COL23A1: variants seen among roughly 807,000 people sequenced by gnomAD.
The protein encoded by COL23A1 is collagen type XXIII alpha 1 chain, also known as collagen alpha-1(XXIII) chain.
In COL23A1, 97 loss-of-function variants were observed where a neutral mutation model predicts 99.3. The ratio of observed to expected loss-of-function variants is 0.98; its 90% confidence interval spans 0.83 to 1.16. The LOEUF (loss-of-function observed/expected upper bound fraction) is 1.16, where lower values mean the gene tolerates loss of function less well. COL23A1 is among the 50% of genes most tolerant of loss of function. The probability of loss-of-function intolerance (pLI) is 0.00; values close to 1 mark genes in which losing one functional copy is unlikely to be tolerated. For synonymous variants in COL23A1, 320 were observed against 308.2 expected, an observed-to-expected ratio of 1.04 and a Z score of -0.40; for missense variants, 762 against 757.4, an observed-to-expected ratio of 1.01 and a Z score of -0.07.
chr5:178,494,671 A>G (rs1025126800), intron 2 of COL23A1, among the ~76,000 whole-genome samples: 2 of 152,116 alleles, frequency 1.3e-5, no homozygotes, highest in African/African-American at 2.4e-5. Flanking sequence ...ATCTCAAACA[A>G]AAGAGTGCTG....
intron 2 of COL23A1, among the ~76,000 whole-genome samples, chr5:178,535,793 A>C (rs1760906040): frequency 6.6e-6 from 1 of 152,246 alleles, no homozygotes; most frequent in Non-Finnish European, 1.5e-5. Flanking sequence ...CAGAGTCCCC[A>C]GCCCCATCGT....
At chr5:178,529,302 T>C (rs1023208090) in intron 2 of COL23A1, among the ~76,000 whole-genome samples, 1 of 151,000 alleles carries the variant, frequency 6.6e-6, no homozygotes, top group Middle Eastern at 3.2e-3. Context: ...AGTGTCCAGT[T>C]GGCCCAGACA....
At chr5:178,290,738 G>T (rs1484059956) in intron 3 of COL23A1, among the ~76,000 whole-genome samples, 4 of 152,230 alleles carry the variant, frequency 2.6e-5, no homozygotes, top group Non-Finnish European at 5.9e-5. Flanking sequence ...ATTGAGGGCA[G>T]ACTGGGGGAG....
intron 2 of COL23A1, among the ~76,000 whole-genome samples, chr5:178,320,641 G>A (rs1056434074): frequency 2.0e-5 from 3 of 152,196 alleles, no homozygotes; most frequent in Admixed American, 6.5e-5. Context: ...TACAAGGCCC[G>A]CCCAGTTCCC....
chr5:178,323,398 G>C (rs1759456682), intron 2 of COL23A1, among the ~76,000 whole-genome samples: 1 of 152,162 alleles, frequency 6.6e-6, no homozygotes, highest in Non-Finnish European at 1.5e-5. Flanking sequence ...CCTGGGGACT[G>C]CATGGGGCTG....
At chr5:178,449,698 T>C (rs761606436) in intron 2 of COL23A1, among the ~76,000 whole-genome samples, 13 of 151,678 alleles carry the variant, frequency 8.6e-5, no homozygotes, top group Non-Finnish European at 5.9e-5. Flanking sequence ...CTATTTTTCC[T>C]AATTAGAGAA....
intron 2 of COL23A1, among the ~76,000 whole-genome samples, chr5:178,331,381 T>C (rs942721240): frequency 5.3e-5 from 8 of 152,250 alleles, no homozygotes; most frequent in Non-Finnish European, 8.8e-5. Flanking sequence ...AGTCACCTGC[T>C]GCATGGCCCT....
Position 178,307,183 on chromosome 5 carries a change from GCTCA to G in COL23A1, c.362-268_362-265del, listed in dbSNP as rs1758405633. 6.6e-6 allele frequency among the ~76,000 whole-genome samples: 1 copy of G among 152,150 alleles called. No homozygotes were observed. The highest frequency in any genetic ancestry group is 2.4e-5 in the African/African-American group (1 of 41,422). ...CACCCATTCTGTCATTCAATCATCGGCTCACTCAGTCATTCCTAAGCCCTCCCCT... is the reference window on the plus strand; with the variant it reads ...CACCCATTCTGTCATTCAATCATCGGCTCAGTCATTCCTAAGCCCTCCCCT... On this transcript the variant is annotated intron_variant, in intron 2 of 28. Transcript: ENST00000390654. The surrounding 1 kb of genome is among the most constrained non-coding windows in gnomAD (Gnocchi z 4.2).
At position 178,307,250 on chromosome 5, in the gene COL23A1, T is replaced by C. The variant is rs1758408402; in HGVS notation, c.362-331A>G. On this transcript the variant is annotated intron_variant, in intron 2 of 28. Coordinates refer to ENST00000390654, the MANE Select transcript of COL23A1 (RefSeq NM_173465.4). This position sits in a 1 kb window ranked among gnomAD's most constrained non-coding sequence, Gnocchi z 4.2. ...TCCCATGGGAGGCTCCTGAGGCAGA[T>C]GCGTTTGCAGCTGAGAAACTTCAGA... 6.6e-6 allele frequency among the ~76,000 whole-genome samples: 1 copy of C among 152,220 alleles called. No homozygotes were observed. Among genetic ancestry groups the C allele is most frequent in the African/African-American group, 2.4e-5 (1 of 41,458 alleles).
At chr5:178,379,869 G>C (rs1399317938) in intron 2 of COL23A1, among the ~76,000 whole-genome samples, 1 of 138,302 alleles carries the variant, frequency 7.2e-6, no homozygotes. Flanking sequence ...CAACAAGAGC[G>C]AAACTCCATC....
At chr5:178,259,880 A>AGCATTCAGGGG in intron 11 of COL23A1, 133 bp from the exon 12 acceptor site, 1 of 724,882 alleles carries the variant, frequency 1.4e-6, no homozygotes, top group Non-Finnish European at 2.2e-6. Flanking sequence ...AGACCCCTGA[A>AGCATTCAGGGG]TGCTTCAGAG....
chr5:178,411,227 GA>G (rs1269993106), intron 2 of COL23A1, among the ~76,000 whole-genome samples: 2 of 152,212 alleles, frequency 1.3e-5, no homozygotes, highest in Non-Finnish European at 2.9e-5. Context: ...CGGCTCCTGT[GA>G]AAATGTTTGG....
At chr5:178,467,609 G>C (rs1387150626) in intron 2 of COL23A1, among the ~76,000 whole-genome samples, 1 of 152,130 alleles carries the variant, frequency 6.6e-6, no homozygotes, top group East Asian at 1.9e-4. Flanking sequence ...AAATTCTCTA[G>C]GTCTCTCAAG....
In COL23A1 at chr5:178,544,086, T is replaced by C. The variant is rs919686112; in HGVS notation, c.361+16596A>G. Among the ~76,000 whole-genome samples the C allele has an allele frequency of 1.3e-5, 2 of 152,128 alleles. No individual in the cohort carries two copies. The highest frequency in any genetic ancestry group is 4.8e-5 in the African/African-American group (2 of 41,418). On this transcript the variant is annotated intron_variant, in intron 2 of 28. Transcript: ENST00000390654. This position sits in a 1 kb window ranked among gnomAD's most constrained non-coding sequence, Gnocchi z 4.4. ...GGAGATTAGGATTTCAACATATGAC[T>C]TTGGGACACAAGATTCAGTCCACAG... is the stretch of plus-strand genomic sequence containing the variant.
At chr5:178,582,884 G>A (rs1180259427) in intron 1 of COL23A1, among the ~76,000 whole-genome samples, 1 of 152,188 alleles carries the variant, frequency 6.6e-6, no homozygotes, top group East Asian at 1.9e-4. Flanking sequence ...GGAGTAGGTG[G>A]CCTGACCTGG....
chr5:178,278,484 C>T (rs975560113), intron 5 of COL23A1, among the ~76,000 whole-genome samples: 2 of 152,232 alleles, frequency 1.3e-5, no homozygotes, highest in Admixed American at 6.5e-5. Context: ...AACTGCACCC[C>T]GATGGGGCGG....
chr5:178,403,131 T>C (rs56029359), intron 2 of COL23A1, among the ~76,000 whole-genome samples: 2 of 74,306 alleles, frequency 2.7e-5, no homozygotes, highest in Non-Finnish European at 2.8e-5. Flanking sequence ...AATAAATAAA[T>C]AAAAAATAAA....
At chr5:178,584,035 A>G (rs1562112710) in intron 1 of COL23A1, among the ~76,000 whole-genome samples, 1 of 151,556 alleles carries the variant, frequency 6.6e-6, no homozygotes, top group African/African-American at 2.4e-5. Context: ...GCTGATTATT[A>G]TTTTTTTTGA....
At chr5:178,478,400 C>T (rs1011805238) in intron 2 of COL23A1, among the ~76,000 whole-genome samples, 8 of 152,204 alleles carry the variant, frequency 5.3e-5, no homozygotes, top group Non-Finnish European at 1.2e-4. Context: ...GAACTGGCCT[C>T]CAGACTCAAA....
Sources: gnomAD v4.1 joint callset for allele counts (sites outside exome capture counted in the v4.1 genomes callset) on GRCh38, gnomAD v4.1.1 for gene constraint, Gnocchi (gnomAD v3.1) non-coding constraint, MANE v1.5 for transcripts, NCBI Gene and HGNC (gene_info 2026-07-23, HGNC 2026-07-21) for gene names.